The following METTL14 variants were observed in gnomAD, a reference collection of about 807,000 sequenced individuals.
METTL14 encodes the protein methyltransferase 14, N6-adenosine-methyltransferase non-catalytic subunit.
METTL14 carries 32 observed loss-of-function variants against 62.4 expected under a neutral mutation model. The observed-to-expected ratio is 0.51, with a 90% CI of 0.39 to 0.69. METTL14 has a LOEUF of 0.69. METTL14 is among the 30% of genes least tolerant of loss of function. The pLI is 0.00. For synonymous variants in METTL14, 150 were observed against 180.0 expected (o/e 0.83, Z 1.34); for missense variants, 340 against 551.9 (o/e 0.62, Z 3.85).
At chr4:118,700,743 T>C (rs1255301027) in intron 8 of METTL14, 101 bp downstream of exon 8, 1 of 768,038 alleles carries the variant, frequency 1.3e-6, no homozygotes, top group African/African-American at 1.8e-5. Context: ...TTTTGTCCTT[T>C]GTTTCTTAAA....
chr4:118,688,996 T>C (rs1366573652), intron 2 of METTL14, among the ~76,000 whole-genome samples: 1 of 152,196 alleles, frequency 6.6e-6, no homozygotes, highest in Non-Finnish European at 1.5e-5. Flanking sequence ...AAAGAAAATA[T>C]ACTTTATCCT....
chr4:118,689,502 T>C, intron 3 of METTL14, 45 bp downstream of exon 3: 1 of 1,104,240 alleles, frequency 9.1e-7, no homozygotes, highest in Non-Finnish European at 1.3e-6. Flanking sequence ...AAAACATAAA[T>C]CCAAATGATA....
At chr4:118,697,974 T>A (rs1724465506) in intron 7 of METTL14, among the ~76,000 whole-genome samples, 2 of 151,990 alleles carry the variant, frequency 1.3e-5, no homozygotes, top group South Asian at 4.1e-4. Flanking sequence ...AACGACTATC[T>A]GGTTGTGGGG....
chr4:118,694,349 GTT>G (rs2110467252), intron 5 of METTL14, 85 bp from the exon 6 acceptor site: 2 of 941,536 alleles, frequency 2.1e-6, no homozygotes, highest in Non-Finnish European at 1.6e-6. Flanking sequence ...GTATTATTTT[GTT>G]TTCTTGGGAG....
At chr4:118,709,463 T>G (rs1296527705) in intron 10 of METTL14, among the ~76,000 whole-genome samples, 1 of 149,160 alleles carries the variant, frequency 6.7e-6, no homozygotes, top group East Asian at 1.9e-4. Flanking sequence ...TGTTATATGG[T>G]AGGGTATTGA....
chr4:118,688,469 T>C (rs1352516646), intron 2 of METTL14, among the ~76,000 whole-genome samples: 3 of 151,676 alleles, frequency 2.0e-5, no homozygotes, highest in Non-Finnish European at 4.4e-5. Context: ...GTGAAAGGAT[T>C]ACTGTTTTAA....
chr4:118,709,955 G>A (rs1724868417), intron 10 of METTL14, 43 bp from the exon 11 acceptor site: 3 of 1,531,442 alleles, frequency 2.0e-6, no homozygotes, highest in African/African-American at 2.8e-5. Flanking sequence ...TAATAAGAGA[G>A]AATTGCAAAT....
At chr4:118,686,531 T>C (rs2110463009) in intron 1 of METTL14, 1 of 448,624 alleles carries the variant, frequency 2.2e-6, no homozygotes, top group African/African-American at 2.0e-5. Context: ...ACCTATCCTC[T>C]TTATGGTCTG....
chr4:118,689,717 A>G (rs1442607595), intron 3 of METTL14, among the ~76,000 whole-genome samples: 4 of 148,306 alleles, frequency 2.7e-5, no homozygotes, highest in East Asian at 4.0e-4. Context: ...ATCTCGGCTC[A>G]CTGCAACCTC....
intron 10 of METTL14, 43 bp downstream of exon 10, chr4:118,705,864 A>AGAT: frequency 6.9e-7 from 1 of 1,446,128 alleles, no homozygotes. Context: ...TCTTTGGGTT[A>AGAT]TGCATGTCAA....
intron 10 of METTL14, among the ~76,000 whole-genome samples, chr4:118,709,469 A>G (rs945619808): frequency 6.9e-6 from 1 of 144,744 alleles, no homozygotes. Context: ...ATGGTAGGGT[A>G]TTGACCTTGT....
At chr4:118,697,437 G>C (rs1032617395) in intron 7 of METTL14, 114 bp downstream of exon 7, 11 of 895,318 alleles carry the variant, frequency 1.2e-5, no homozygotes, top group Non-Finnish European at 1.8e-5. Flanking sequence ...GATTATAAAT[G>C]TAGATTTATA....
In METTL14 at chr4:118,701,182, TG is replaced by T. The variant is rs1354492309; in HGVS notation, c.738+541del. Among the ~76,000 whole-genome samples, 7 of 121,410 alleles carry T rather than the reference TG, an allele frequency of 5.8e-5. 1 individual carries two copies. The highest frequency in any genetic ancestry group is 1.9e-4 in the African/African-American group (7 of 36,138). The allele number at this position is 121,410 out of a possible 152,430, so 79.6% of individuals were successfully genotyped here. ...TTATTTTTTTATTGGAGTTTTTTTT[TG>T]TTTTTTTTTGTTTTTTTGAGACAAG... On this transcript the variant is annotated intron_variant, in intron 8 of 10. Transcript: ENST00000388822.
intron 8 of METTL14, among the ~76,000 whole-genome samples, chr4:118,703,049 T>G (rs750185543): frequency 4.6e-5 from 7 of 151,444 alleles, no homozygotes; most frequent in Non-Finnish European, 8.8e-5. Context: ...CCATGGTGGT[T>G]TGCTGCACCC....
At chr4:118,704,142 G>A in intron 9 of METTL14, 91 bp downstream of exon 9, 2 of 722,132 alleles carry the variant, frequency 2.8e-6, no homozygotes, top group Admixed American at 3.2e-5. Flanking sequence ...TAACTTCAGT[G>A]AAAAGGTCCT....
chr4:118,685,708 T>G (rs1724032058), intron 1 of METTL14, 108 bp downstream of exon 1: 1 of 933,174 alleles, frequency 1.1e-6, no homozygotes. Context: ...CTGCCGCTGT[T>G]AAGGCCTTTC....
intron 5 of METTL14, among the ~76,000 whole-genome samples, 158 bp downstream of exon 5, chr4:118,692,226 C>CTTTTTTTTTTT (rs11387432): frequency 7.6e-5 from 10 of 131,410 alleles, no homozygotes; most frequent in African/African-American, 8.5e-5. Context: ...CTTTTCTTTT[C>CTTTTTTTTTTT]TTTTTTTTTT....
chr4:118,698,282 A>C (rs1219294470), intron 7 of METTL14, among the ~76,000 whole-genome samples: 2 of 151,518 alleles, frequency 1.3e-5, no homozygotes, highest in African/African-American at 4.8e-5. Flanking sequence ...GTGAAACCCT[A>C]TCTCTACTAA....
rs1724977446 is a variant in METTL14, at chr4:118,713,255, G to A, written c.*2953G>A. 1 of 152,144 alleles carries A rather than the reference G, an allele frequency of 6.6e-6. No individual in the cohort carries two copies. The highest frequency in any genetic ancestry group is 1.5e-5 in the Non-Finnish European group (1 of 68,028). The allele number at this position is 152,144 out of a possible 1,614,324, so 9.4% of individuals were successfully genotyped here. Reference sequence around the variant, plus strand: ...GAGGCCAGGTCAGTGATATGCTATAGTTTCATTTAAGTTAATGGAGTATAA... The same window carrying A: ...GAGGCCAGGTCAGTGATATGCTATAATTTCATTTAAGTTAATGGAGTATAA... On this transcript the variant is annotated 3_prime_UTR_variant, in exon 11 of 11. Transcript: ENST00000388822.
Sources: allele counts gnomAD v4.1 joint callset (sites outside exome capture counted in the v4.1 genomes callset), GRCh38; gene constraint gnomAD v4.1.1; transcripts MANE v1.5; gene names NCBI Gene and HGNC (gene_info 2026-07-23, HGNC 2026-07-21).